NAV3: variants seen among roughly 807,000 people sequenced by gnomAD.
NAV3 encodes the protein pore membrane and/or filament interacting like protein 1.
A neutral mutation model predicts 244.7 loss-of-function variants in NAV3; 87 were observed. That is an observed-to-expected ratio of 0.36 (90% CI 0.30 to 0.42). The LOEUF is 0.42. NAV3 is among the 20% of genes least tolerant of loss of function. The pLI, the probability that NAV3 is intolerant of heterozygous loss-of-function variation, is 1.00. For synonymous variants in NAV3, 1,126 were observed against 1,042.2 expected (o/e 1.08, Z -1.55); for missense variants, 2,663 against 2,893.3 (o/e 0.92, Z 1.83).
chr12:77,591,192 CA>C (rs1353064142), intron 2 of NAV3, among the ~76,000 whole-genome samples: 3 of 152,160 alleles, frequency 2.0e-5, no homozygotes, highest in Non-Finnish European at 4.4e-5. Context: ...TAAATTCCCT[CA>C]ATGAATCATT....
At chr12:77,964,953 C>A (rs993847657) in intron 3 of NAV3, among the ~76,000 whole-genome samples, 1 of 152,002 alleles carries the variant, frequency 6.6e-6, no homozygotes, top group African/African-American at 2.4e-5. Flanking sequence ...ATTCTTGAAT[C>A]TATTTTTTTC....
At chr12:77,652,105 T>C (rs1872852100) in intron 2 of NAV3, among the ~76,000 whole-genome samples, 1 of 152,178 alleles carries the variant, frequency 6.6e-6, no homozygotes, top group Non-Finnish European at 1.5e-5. Context: ...AAAATTGTAA[T>C]ACTACTACCA....
chr12:78,118,304 T>C lies in NAV3; in HGVS notation c.3040+7T>C, dbSNP rs1294391003. 2 of 1,581,892 alleles carry C rather than the reference T, an allele frequency of 1.3e-6. No homozygotes were observed. Among genetic ancestry groups the C allele is most frequent in the Admixed American group, 3.7e-5 (2 of 54,246 alleles). ...AGTGCACTCAAAACACCCGGTAGGC[T>C]TGTCGTTTGCCAGCTGTTATGCAAA... On this transcript the variant is annotated splice_region_variant and intron_variant, in intron 14 of 39. Transcript: ENST00000397909.
At chr12:78,016,379 CCA>C (rs1876218921) in intron 8 of NAV3, among the ~76,000 whole-genome samples, 1 of 152,092 alleles carries the variant, frequency 6.6e-6, no homozygotes, top group Non-Finnish European at 1.5e-5. Flanking sequence ...CAACTCAACA[CCA>C]CAGTTTATTT....
At chr12:77,761,004 G>A (rs1412531439) in intron 2 of NAV3, among the ~76,000 whole-genome samples, 1 of 152,172 alleles carries the variant, frequency 6.6e-6, no homozygotes, top group East Asian at 1.9e-4. Context: ...CTCACTGAAA[G>A]AGGAGAGATT....
chr12:77,938,840 TA>T (rs1889585433), intron 1 of NAV3, among the ~76,000 whole-genome samples: 1 of 151,976 alleles, frequency 6.6e-6, no homozygotes, highest in Admixed American at 6.6e-5. Flanking sequence ...AAATGGCTCT[TA>T]GAAAAGCTGT....
chr12:78,089,662 G>A (rs1019426111), intron 12 of NAV3, among the ~76,000 whole-genome samples: 1 of 152,048 alleles, frequency 6.6e-6, no homozygotes, highest in African/African-American at 2.4e-5. Flanking sequence ...ATGGAAATTA[G>A]AACTCAAGGT....
intron 34 of NAV3, among the ~76,000 whole-genome samples, chr12:78,193,651 A>G (rs1478642117): frequency 1.3e-5 from 2 of 152,156 alleles, no homozygotes; most frequent in South Asian, 2.1e-4. Flanking sequence ...TCATCAAGCT[A>G]GAGTGGGTAT....
At chr12:77,652,354 G>A (rs1872862911) in intron 2 of NAV3, among the ~76,000 whole-genome samples, 2 of 152,216 alleles carry the variant, frequency 1.3e-5, no homozygotes, top group South Asian at 4.1e-4. Flanking sequence ...AGTCCATAGA[G>A]CCTACTCCCT....
rs779036044 is a variant in NAV3 at position 78,168,788 on chromosome 12, G to A, written c.4903G>A (p.Glu1635Lys). The A allele has an allele frequency of 6.2e-7, 1 of 1,610,410 alleles. No homozygotes were observed. Among genetic ancestry groups the A allele is most frequent in the Admixed American group, 1.7e-5 (1 of 59,740 alleles). Residue 1635 changes from glutamate (E) to lysine (K), a missense_variant, in exon 24 of 40, where the codon GAA becomes AAA. Around this residue, in one of 6 missense-constraint regions of NAV3, gnomAD observed 48 missense variants for 90.0 expected, o/e 0.53. Transcript: ENST00000397909. ...ACTTATAGAACTAAGAGAAACCATT[G>A]AAATGCTGAAGGCTCAGAATTCTGC... ...SELIELRETIEMLKAQNSAAQ... is the reference protein window; with the variant it reads ...SELIELRETIKMLKAQNSAAQ...
intron 18 of NAV3, among the ~76,000 whole-genome samples, chr12:78,134,067 C>T (rs1179987438): frequency 6.6e-6 from 1 of 152,088 alleles, no homozygotes; most frequent in African/African-American, 2.4e-5. Flanking sequence ...CAACCTGTCA[C>T]TTCTAATATC....
intron 2 of NAV3, among the ~76,000 whole-genome samples, chr12:77,595,912 T>G (rs1870146753): frequency 6.6e-6 from 1 of 152,234 alleles, no homozygotes; most frequent in Non-Finnish European, 1.5e-5. Context: ...CTATGACTGA[T>G]GCATTTGCCT....
rs556884166 is a variant in NAV3 at position 78,155,044 on chromosome 12, G to A, written c.4786-4159G>A. ...TTTTCTTCAACTTTTAAGTTCTGGC[G>A]TACATGGGCAGGATATGCAGGTTTG... On this transcript the variant is annotated intron_variant, in intron 22 of 39. Coordinates refer to ENST00000397909, the MANE Select transcript of NAV3 (RefSeq NM_001024383.2). 1.5e-4 allele frequency among the ~76,000 whole-genome samples: 23 copies of A among 151,974 alleles called. No homozygotes were observed. The South Asian group carries it at 1.7e-3, about 11-fold the overall frequency.
chr12:77,960,068 G>A (rs1279757730), intron 3 of NAV3, among the ~76,000 whole-genome samples: 1 of 151,686 alleles, frequency 6.6e-6, no homozygotes. Context: ...ATTGTGCCTG[G>A]CCATGGTGTG....
At chr12:77,962,790 C>A (rs1298877986) in intron 3 of NAV3, among the ~76,000 whole-genome samples, 1 of 152,086 alleles carries the variant, frequency 6.6e-6, no homozygotes, top group Admixed American at 6.6e-5. Context: ...GAAGACAGTA[C>A]AGTGCACTAG....
At chr12:78,169,866 G>A (rs1189059861) in intron 24 of NAV3, among the ~76,000 whole-genome samples, 2 of 151,616 alleles carry the variant, frequency 1.3e-5, no homozygotes, top group Non-Finnish European at 3.0e-5. Context: ...GAAACATCCG[G>A]TTTTTCTAAT....
chr12:77,636,271 C>G (rs1170577147), intron 2 of NAV3, among the ~76,000 whole-genome samples: 1 of 151,966 alleles, frequency 6.6e-6, no homozygotes, highest in Non-Finnish European at 1.5e-5. Context: ...TCGAGACCAT[C>G]CTGGCTAACA....
At chr12:77,762,597 G>A (rs561767693) in intron 2 of NAV3, among the ~76,000 whole-genome samples, 19 of 151,070 alleles carry the variant, frequency 1.3e-4, no homozygotes, top group Admixed American at 8.6e-4. Context: ...GTGAGACTCC[G>A]CCTCAAAAAA....
At chr12:77,695,326 A>G (rs144598355) in intron 2 of NAV3, among the ~76,000 whole-genome samples, 127 of 152,234 alleles carry the variant, frequency 8.3e-4, no homozygotes, top group Non-Finnish European at 1.6e-3. Context: ...TGATTTTTGT[A>G]TATGGCAAGA....
Sources: allele counts gnomAD v4.1 joint callset (sites outside exome capture counted in the v4.1 genomes callset), GRCh38; gene constraint gnomAD v4.1.1; regional missense constraint gnomAD v4.1.1; transcripts MANE v1.5; gene names NCBI Gene and HGNC (gene_info 2026-07-23, HGNC 2026-07-21).